OSBPL9: variants seen among roughly 807,000 people sequenced by gnomAD.
OSBPL9 encodes oxysterol-binding protein-related protein 9.
In OSBPL9, 40 loss-of-function variants were observed where a neutral mutation model predicts 106.6. The ratio of observed to expected loss-of-function variants is 0.38; its 90% CI spans 0.29 to 0.49. The LOEUF is 0.49. Among genes scored for constraint, OSBPL9 ranks in the 20% least tolerant of loss-of-function variants. The pLI, the probability that OSBPL9 is intolerant of heterozygous loss-of-function variation, is 0.97. For synonymous variants in OSBPL9, 269 were observed against 295.4 expected, an observed-to-expected ratio of 0.91 and a Z score of 0.92; for missense variants, 609 against 887.2, an observed-to-expected ratio of 0.69 and a Z score of 3.98.
intron 1 of OSBPL9, among the ~76,000 whole-genome samples, chr1:51,651,365 G>A (rs187110437): frequency 6.6e-6 from 1 of 152,260 alleles, no homozygotes; most frequent in African/African-American, 2.4e-5. Flanking sequence ...CACTTTGGGA[G>A]GCCGAGGTGG....
chr1:51,728,333 A>ATT, intron 4 of OSBPL9, among the ~76,000 whole-genome samples: 1 of 152,206 alleles, frequency 6.6e-6, no homozygotes, highest in South Asian at 2.1e-4. Flanking sequence ...TAGATTCAAG[A>ATT]AGACTTTAGT....
chr1:51,572,480 G>A (rs1175655920), upstream of OSBPL9, among the ~76,000 whole-genome samples: 1 of 152,066 alleles, frequency 6.6e-6, no homozygotes, highest in Non-Finnish European at 1.5e-5. Context: ...TCCTCTCTCC[G>A]TCACACTAAG....
At chr1:51,627,069 A>G (rs1337357525) in intron 1 of OSBPL9, among the ~76,000 whole-genome samples, 1 of 152,106 alleles carries the variant, frequency 6.6e-6, no homozygotes, top group Non-Finnish European at 1.5e-5. Flanking sequence ...CAGTGGCACA[A>G]TCATAGCTTA....
intron 2 of OSBPL9, among the ~76,000 whole-genome samples, chr1:51,659,341 A>G (rs1255999883): frequency 6.6e-6 from 1 of 152,120 alleles, no homozygotes; most frequent in Non-Finnish European, 1.5e-5. Flanking sequence ...AGTAGAAATG[A>G]TAATAGAAAT....
rs1387173483 is a variant in OSBPL9, at chr1:51,784,599, C to T, written c.1829+17C>T. On this transcript the variant is annotated intron_variant, in intron 20 of 23. Coordinates refer to ENST00000428468, the MANE Select transcript of OSBPL9 (RefSeq NM_024586.6). ...CGAGATTTTGTAGGTATTTTTTCTG[C>T]CTTAGAGCTCTTATGCTTTTCTGAA... The T allele has an allele frequency of 6.2e-7, 1 of 1,611,992 alleles. No individual in the cohort carries two copies. The highest frequency in any genetic ancestry group is 1.3e-5 in the African/African-American group (1 of 74,824).
chr1:51,723,929 T>C lies in OSBPL9; in HGVS notation c.318+9850T>C, dbSNP rs536020700. 2.0e-5 allele frequency among the ~76,000 whole-genome samples: 3 copies of C among 152,188 alleles called. No homozygotes were observed. In the East Asian group the frequency reaches 5.8e-4, roughly 29 times the overall value. ...CTTTAGTTTTGTACAGAATTCTAGG[T>C]TGGTATTTTTTTCTCTCTCAGTCCT... On this transcript the variant is annotated intron_variant, in intron 4 of 23. Coordinates refer to ENST00000428468, the MANE Select transcript of OSBPL9 (RefSeq NM_024586.6).
intron 2 of OSBPL9, among the ~76,000 whole-genome samples, chr1:51,662,119 A>G (rs1293285132): frequency 6.6e-6 from 1 of 152,240 alleles, no homozygotes; most frequent in East Asian, 1.9e-4. Context: ...GTGTGGTAAC[A>G]TATCCTCCAA....
intron 1 of OSBPL9, among the ~76,000 whole-genome samples, chr1:51,644,293 C>G (rs189135587): frequency 5.3e-5 from 8 of 152,072 alleles, no homozygotes; most frequent in African/African-American, 1.7e-4. Context: ...GGAAGAGAGA[C>G]AGGATCACGA....
chr1:51,586,394 CA>C (rs1453052307), intron 1 of OSBPL9, among the ~76,000 whole-genome samples: 10 of 152,138 alleles, frequency 6.6e-5, no homozygotes, highest in African/African-American at 2.4e-4. Flanking sequence ...TTCCCCATGA[CA>C]TTAAAAACTT....
chr1:51,553,572 C>G, the OSBPL9 span, among the ~76,000 whole-genome samples: 2 of 151,940 alleles, frequency 1.3e-5, no homozygotes, highest in Admixed American at 6.6e-5. Flanking sequence ...CTCAGTAGCT[C>G]CCTTCTAGAT....
At chr1:51,776,726 A>G (rs927763748) in intron 14 of OSBPL9, 107 bp from the exon 15 acceptor site, 5 of 726,180 alleles carry the variant, frequency 6.9e-6, no homozygotes, top group African/African-American at 1.8e-5. Flanking sequence ...GGATGTTACC[A>G]TGATTTGAAT....
At chr1:51,523,870 G>A in the OSBPL9 span, among the ~76,000 whole-genome samples, 1 of 152,056 alleles carries the variant, frequency 6.6e-6, no homozygotes, top group South Asian at 2.1e-4. Flanking sequence ...AACGCTTCAT[G>A]AACACTGCGT....
intron 4 of OSBPL9, among the ~76,000 whole-genome samples, chr1:51,733,038 C>T (rs542761799): frequency 6.6e-6 from 1 of 152,356 alleles, no homozygotes; most frequent in South Asian, 2.1e-4. Context: ...CCAGTTCTTC[C>T]TTAGCATACA....
intron 2 of OSBPL9, among the ~76,000 whole-genome samples, chr1:51,601,988 A>C (rs376178201): frequency 7.6e-6 from 1 of 131,350 alleles, no homozygotes; most frequent in South Asian, 2.4e-4. Flanking sequence ...TGTCTCCCTC[A>C]GGCCAGTCAA....
the OSBPL9 span, among the ~76,000 whole-genome samples, chr1:51,524,701 C>G: frequency 6.6e-6 from 1 of 152,088 alleles, no homozygotes; most frequent in African/African-American, 2.4e-5. Context: ...GAGTACTATA[C>G]AGTAAGAGAG....
chr1:51,676,963 A>G (rs1037259416), intron 3 of OSBPL9, among the ~76,000 whole-genome samples: 25 of 152,224 alleles, frequency 1.6e-4, no homozygotes, highest in African/African-American at 5.5e-4. Context: ...CAGGCACTGT[A>G]CATTACTTAC....
rs1224792334 is a variant in OSBPL9, at chr1:51,751,725, A to G, written c.543+1530A>G. 3.9e-5 allele frequency among the ~76,000 whole-genome samples: 6 copies of G among 152,172 alleles called. No homozygotes were observed. The East Asian group carries it at 1.2e-3, about 29-fold the overall frequency. ...AAGCAGAGGAGCTGATACAGTGTTT[A>G]AGCCAGTTTGGGTGATCTCTGAAAA... is the stretch of plus-strand genomic sequence containing the variant. On this transcript the variant is annotated intron_variant, in intron 8 of 23. Coordinates refer to ENST00000428468, the MANE Select transcript of OSBPL9 (RefSeq NM_024586.6).
At chr1:51,639,636 T>C (rs572471525) in intron 1 of OSBPL9, among the ~76,000 whole-genome samples, 2 of 152,234 alleles carry the variant, frequency 1.3e-5, no homozygotes, top group South Asian at 2.1e-4. Context: ...AAAAGTAATA[T>C]GGCATGCTGT....
chr1:51,720,100 G>A (rs1478438317), intron 4 of OSBPL9, among the ~76,000 whole-genome samples: 1 of 152,172 alleles, frequency 6.6e-6, no homozygotes, highest in Non-Finnish European at 1.5e-5. Context: ...ATGACAAGTA[G>A]TATGTTGTGC....
Sources: gnomAD v4.1 joint callset for allele counts (sites outside exome capture counted in the v4.1 genomes callset) on GRCh38, gnomAD v4.1.1 for gene constraint, MANE v1.5 for transcripts, NCBI Gene and HGNC (gene_info 2026-07-23, HGNC 2026-07-21) for gene names.